Variants in SEC14L5 observed in about 807,000 individuals in gnomAD.
SEC14L5 encodes the protein SEC14-like protein 5.
SEC14L5 carries 96 observed loss-of-function variants against 84.6 expected under a neutral mutation model. The ratio of observed to expected loss-of-function variants is 1.13; its 90% CI spans 0.96 to 1.34. The LOEUF is 1.34. SEC14L5 is among the 40% of genes most tolerant of loss of function. The probability of loss-of-function intolerance (pLI) is 0.00; values close to 1 mark genes in which losing one functional copy is unlikely to be tolerated. For missense variants in SEC14L5, 1,224 were observed against 942.5 expected (o/e 1.30, Z -3.91); for synonymous variants, 546 against 383.4 (o/e 1.42, Z -4.95).
chr16:5,003,082 GTA>G (rs1419134683), intron 10 of SEC14L5, among the ~76,000 whole-genome samples: 1 of 152,206 alleles, frequency 6.6e-6, no homozygotes, highest in Non-Finnish European at 1.5e-5. Flanking sequence ...AGAGAGCTTT[GTA>G]TATACCATCT....
At chr16:4,966,735 C>A (rs1040985392) in intron 2 of SEC14L5, among the ~76,000 whole-genome samples, 1 of 152,128 alleles carries the variant, frequency 6.6e-6, no homozygotes. Context: ...TCAGGCAGTT[C>A]GGCCCCTCAA....
At chr16:4,985,693 G>T (rs1955478282) in intron 2 of SEC14L5, among the ~76,000 whole-genome samples, 1 of 151,848 alleles carries the variant, frequency 6.6e-6, no homozygotes, top group Non-Finnish European at 1.5e-5. Context: ...TGAGCTGTAT[G>T]TCTCCCCTTA....
chr16:4,979,663 G>A (rs998389459), intron 2 of SEC14L5, among the ~76,000 whole-genome samples: 1 of 152,158 alleles, frequency 6.6e-6, no homozygotes, highest in Non-Finnish European at 1.5e-5. Flanking sequence ...TTCTCCCGGG[G>A]CCTGGAGATG....
At chr16:4,987,743 C>A in intron 3 of SEC14L5, 37 bp downstream of exon 3, 1 of 1,435,702 alleles carries the variant, frequency 7.0e-7, no homozygotes, top group Non-Finnish European at 9.1e-7. Flanking sequence ...GAGGAGGGGA[C>A]CTGTTGCGGA....
intron 2 of SEC14L5, among the ~76,000 whole-genome samples, chr16:4,969,321 A>T (rs1364495198): frequency 6.6e-6 from 1 of 151,722 alleles, no homozygotes; most frequent in Non-Finnish European, 1.5e-5. Flanking sequence ...AGGCTGTGCG[A>T]GGTGGATTCC....
intron 2 of SEC14L5, among the ~76,000 whole-genome samples, chr16:4,983,864 C>G (rs1399819187): frequency 6.8e-6 from 1 of 146,548 alleles, no homozygotes; most frequent in African/African-American, 2.5e-5. Flanking sequence ...GTGACAAGAA[C>G]AAAACTCTGT....
chr16:4,995,262 C>T (rs541720365), intron 6 of SEC14L5, among the ~76,000 whole-genome samples: 1 of 152,368 alleles, frequency 6.6e-6, no homozygotes, highest in Non-Finnish European at 1.5e-5. Flanking sequence ...GAGGCCTCTG[C>T]ACGCCAGCAT....
At chr16:4,994,847 C>A (rs550310263) in intron 6 of SEC14L5, among the ~76,000 whole-genome samples, 1 of 152,138 alleles carries the variant, frequency 6.6e-6, no homozygotes, top group African/African-American at 2.4e-5. Context: ...AGAGGACATC[C>A]TCATGCCCCT....
At chr16:4,964,986 C>T (rs1470355581) in intron 2 of SEC14L5, among the ~76,000 whole-genome samples, 2 of 152,144 alleles carry the variant, frequency 1.3e-5, no homozygotes, top group Non-Finnish European at 2.9e-5. Context: ...CCACTTTGGA[C>T]TCCCAAAGTG....
chr16:4,964,564 A>G (rs1955172339), intron 2 of SEC14L5, among the ~76,000 whole-genome samples: 2 of 151,992 alleles, frequency 1.3e-5, no homozygotes, highest in Admixed American at 1.3e-4. Context: ...AGCCTGGGTG[A>G]CAGAGTGTGA....
chr16:4,973,686 T>C (rs1955306360), intron 2 of SEC14L5, among the ~76,000 whole-genome samples: 1 of 149,574 alleles, frequency 6.7e-6, no homozygotes, highest in Admixed American at 6.6e-5. Context: ...GTCTCTTTTT[T>C]TTTTTTTTTT....
chr16:4,982,923 T>G (rs1955441451), intron 2 of SEC14L5, among the ~76,000 whole-genome samples: 1 of 152,066 alleles, frequency 6.6e-6, no homozygotes, highest in Non-Finnish European at 1.5e-5. Flanking sequence ...AATATTTACA[T>G]GAACATATAC....
At chr16:5,010,347 G>T (rs1955785348) in intron 14 of SEC14L5, among the ~76,000 whole-genome samples, 1 of 151,812 alleles carries the variant, frequency 6.6e-6, no homozygotes, top group Non-Finnish European at 1.5e-5. Context: ...CTGAGTGAAA[G>T]AGTGAAACTC....
At chr16:4,964,572 T>G (rs1431924032) in intron 2 of SEC14L5, among the ~76,000 whole-genome samples, 16 of 151,808 alleles carry the variant, frequency 1.1e-4, no homozygotes, top group Admixed American at 9.9e-4. Context: ...TGACAGAGTG[T>G]GACCCTATCT....
intron 4 of SEC14L5, among the ~76,000 whole-genome samples, chr16:4,989,339 G>T (rs946411599): frequency 0.17 from 14,139 of 83,980 alleles, 965 homozygotes; most frequent in South Asian, 0.24. Flanking sequence ...TTTTTTTTTT[G>T]TTTGTTTTTT....
chr16:4,998,211 G>A, intron 8 of SEC14L5, among the ~76,000 whole-genome samples: 1 of 151,066 alleles, frequency 6.6e-6, no homozygotes, highest in East Asian at 2.0e-4. Flanking sequence ...TCACCATGTT[G>A]GCCAGGCTGT....
chr16:4,964,723 A>G (rs1432357406), intron 2 of SEC14L5, among the ~76,000 whole-genome samples: 2 of 152,102 alleles, frequency 1.3e-5, no homozygotes, highest in Non-Finnish European at 2.9e-5. Flanking sequence ...GGCGTGAGCC[A>G]CTGTGCCCCA....
intron 2 of SEC14L5, among the ~76,000 whole-genome samples, chr16:4,979,426 G>A (rs1955392155): frequency 6.6e-6 from 1 of 152,210 alleles, no homozygotes; most frequent in Non-Finnish European, 1.5e-5. Context: ...TGCGGAGGGT[G>A]AGCGCTACCT....
At chr16:4,999,564 G>A (rs1338322858) in intron 8 of SEC14L5, among the ~76,000 whole-genome samples, 1 of 152,094 alleles carries the variant, frequency 6.6e-6, no homozygotes, top group Non-Finnish European at 1.5e-5. Context: ...AGGCTGCAGT[G>A]AGTCGAGATC....
Sources: allele counts gnomAD v4.1 joint callset (sites outside exome capture counted in the v4.1 genomes callset), GRCh38; gene constraint gnomAD v4.1.1; transcripts MANE v1.5; gene names NCBI Gene and HGNC (gene_info 2026-07-23, HGNC 2026-07-21).